ARHGAP10: variants seen among roughly 807,000 people sequenced by gnomAD.
The protein encoded by ARHGAP10 is rho GTPase-activating protein 10.
In ARHGAP10, 87 loss-of-function variants were observed where a neutral mutation model predicts 108.6. That is an observed-to-expected ratio of 0.80 (90% CI 0.67 to 0.96). The LOEUF (loss-of-function observed/expected upper bound fraction) is 0.96. ARHGAP10 is among the 40% of genes least tolerant of loss of function. The pLI is 0.00. For missense variants in ARHGAP10, 939 were observed against 954.5 expected, an observed-to-expected ratio of 0.98 and a Z score of 0.21; for synonymous variants, 347 against 341.1, an observed-to-expected ratio of 1.02 and a Z score of -0.19.
rs530492849 is a variant in ARHGAP10, at chr4:147,833,536, G to A, written c.312+10579G>A. On this transcript the variant is annotated intron_variant, in intron 3 of 22. Transcript: ENST00000336498. ...TGTGAAAACAGACTAATTCATGTGG[G>A]AAAAACCAGATTTTGATGACTGAGA... 3.3e-5 allele frequency among the ~76,000 whole-genome samples: 5 copies of A among 152,248 alleles called. No individual in the cohort carries two copies. In the South Asian group the frequency reaches 1.0e-3, roughly 32 times the overall value.
At position 148,063,242 on chromosome 4, in the gene ARHGAP10, G is replaced by A. The variant is rs368707168; in HGVS notation, c.2122G>A (p.Gly708Arg). The change falls in exon 21 of 23, where the codon GGG becomes AGG. Residue 708 changes from glycine (G) to arginine (R), a missense_variant. Physicochemically the swap from Gly to Arg is moderately radical, Grantham distance 125 (BLOSUM62 -2). Coordinates refer to ENST00000336498, the MANE Select transcript of ARHGAP10 (RefSeq NM_024605.4). ...SNSAVTPLSPGSSPFPFSPPA... is the reference protein window; with the variant it reads ...SNSAVTPLSPRSSPFPFSPPA... ...CTCAGCTGTGACACCTCTTTCACCC[G>A]GGTCGTCCCCTTTCCCCTTTTCTCC... 1.2e-5 allele frequency: 19 copies of A among 1,614,018 alleles called. No homozygotes were observed. Among genetic ancestry groups the A allele is most frequent in the Admixed American group, 1.0e-4 (6 of 60,004 alleles).
chr4:147,960,749 C>G (rs913450615), intron 16 of ARHGAP10, among the ~76,000 whole-genome samples: 3 of 152,144 alleles, frequency 2.0e-5, no homozygotes, highest in African/African-American at 7.2e-5. Context: ...GGTCATTATC[C>G]ACTCCCATGA....
In ARHGAP10 at chr4:147,866,728, A is replaced by G. The variant is rs1375403499; in HGVS notation, c.614A>G (p.Gln205Arg). The stretch of plus-strand genomic sequence containing the variant: ...GTGTCTTAGATGCTGTCATTTTTTC[A>G]GGGGATGTTTACCTTCTATCATCAG... ...EFVEPMLSFF[Q>R]GMFTFYHQGH... is the part of the protein sequence containing the mutation. The change falls in exon 7 of 23, where the codon CAG becomes CGG. Residue 205 changes from glutamine to arginine, a missense_variant. Physicochemically the swap from Gln to Arg is conservative, Grantham distance 43 (BLOSUM62 1). Coordinates refer to ENST00000336498, the MANE Select transcript of ARHGAP10 (RefSeq NM_024605.4). 2 of 1,612,040 alleles carry G rather than the reference A, an allele frequency of 1.2e-6. No homozygotes were observed. The highest frequency in any genetic ancestry group is 1.1e-5 in the South Asian group (1 of 90,618).
intron 4 of ARHGAP10, among the ~76,000 whole-genome samples, chr4:147,855,066 A>G (rs1734031143): frequency 6.6e-6 from 1 of 152,136 alleles, no homozygotes; most frequent in Middle Eastern, 3.2e-3. Context: ...AATGTTTTCC[A>G]TGTTCCTGGT....
At chr4:147,843,754 T>TG (rs1262319055) in intron 3 of ARHGAP10, among the ~76,000 whole-genome samples, 1 of 152,180 alleles carries the variant, frequency 6.6e-6, no homozygotes, top group Non-Finnish European at 1.5e-5. Context: ...TGACCTCAGG[T>TG]GATCCACCTG....
chr4:148,018,305 T>C (rs1741427143), intron 18 of ARHGAP10, among the ~76,000 whole-genome samples: 1 of 152,148 alleles, frequency 6.6e-6, no homozygotes, highest in Non-Finnish European at 1.5e-5. Context: ...GAAAGAGACC[T>C]GGGCACTAAG....
chr4:147,757,072 GC>G (rs1243975430), intron 1 of ARHGAP10, among the ~76,000 whole-genome samples: 8 of 151,734 alleles, frequency 5.3e-5, no homozygotes, highest in Non-Finnish European at 8.8e-5. Flanking sequence ...GGCTATAGTG[GC>G]TTCTTTAAAT....
At position 147,822,896 on chromosome 4, in the gene ARHGAP10, A is replaced by C; in HGVS notation, c.251A>C (p.Asp84Ala). 6.2e-7 allele frequency: 1 copy of C among 1,614,116 alleles called. No homozygotes were observed. The highest frequency in any genetic ancestry group is 8.5e-7 in the Non-Finnish European group (1 of 1,179,980). The change falls in exon 3 of 23, where the codon GAT becomes GCT. Residue 84 changes from aspartate (D) to alanine (A), a missense_variant and splice_region_variant. By Grantham distance (126) the Asp-to-Ala change is moderately radical. Transcript: ENST00000336498. ...DAVTDDERCIDASLREFSNFL... is the reference protein window; with the variant it reads ...DAVTDDERCIAASLREFSNFL... Reference sequence around the variant, plus strand: ...AATAATCACTCCTTTCTTCTTACAGATGCTTCCTTACGTGAATTTTCAAAT... The same window carrying C: ...AATAATCACTCCTTTCTTCTTACAGCTGCTTCCTTACGTGAATTTTCAAAT...
intron 20 of ARHGAP10, among the ~76,000 whole-genome samples, chr4:148,049,800 T>G (rs187742381): frequency 1.5e-4 from 22 of 146,388 alleles, no homozygotes; most frequent in African/African-American, 3.5e-4. Flanking sequence ...AAATTGTTTT[T>G]TTTGTTTGTT....
At chr4:148,027,603 G>GATCT (rs1727931327) in intron 19 of ARHGAP10, among the ~76,000 whole-genome samples, 1 of 152,188 alleles carries the variant, frequency 6.6e-6, no homozygotes, top group Non-Finnish European at 1.5e-5. Flanking sequence ...AACATATCTT[G>GATCT]ATCTAGGTGA....
intron 22 of ARHGAP10, among the ~76,000 whole-genome samples, chr4:148,066,797 C>T (rs1215031460): frequency 2.0e-5 from 3 of 152,202 alleles, no homozygotes; most frequent in Non-Finnish European, 4.4e-5. Flanking sequence ...ATGGCCACAA[C>T]ATTGATGTTG....
intron 18 of ARHGAP10, 104 bp downstream of exon 18, chr4:147,966,943 A>G: frequency 9.3e-7 from 1 of 1,072,006 alleles, no homozygotes; most frequent in Non-Finnish European, 1.3e-6. Context: ...GTTTAAAAAA[A>G]TTCTTTCATT....
intron 4 of ARHGAP10, among the ~76,000 whole-genome samples, chr4:147,855,462 A>G (rs533435053): frequency 6.6e-6 from 1 of 152,268 alleles, no homozygotes; most frequent in South Asian, 2.1e-4. Flanking sequence ...AAAAAAACCT[A>G]GAGCGTAAAG....
chr4:147,736,472 G>T (rs575980483), intron 1 of ARHGAP10, among the ~76,000 whole-genome samples: 68 of 152,190 alleles, frequency 4.5e-4, no homozygotes, highest in African/African-American at 1.5e-3. Context: ...CTTGAGCCTT[G>T]GTTTCCTTTT....
At chr4:147,779,095 C>T (rs1730422755) in intron 1 of ARHGAP10, among the ~76,000 whole-genome samples, 1 of 152,152 alleles carries the variant, frequency 6.6e-6, no homozygotes, top group Admixed American at 6.5e-5. Context: ...TCTTCAGTTT[C>T]CATTTCAGTA....
intron 5 of ARHGAP10, among the ~76,000 whole-genome samples, chr4:147,859,770 A>G (rs2126836230): frequency 6.6e-6 from 1 of 152,360 alleles, no homozygotes; most frequent in Non-Finnish European, 1.5e-5. Flanking sequence ...AGATGCTTGT[A>G]CAGTGAGCTG....
intron 3 of ARHGAP10, among the ~76,000 whole-genome samples, chr4:147,835,025 C>A (rs932102688): frequency 6.6e-6 from 1 of 152,188 alleles, no homozygotes; most frequent in Non-Finnish European, 1.5e-5. Flanking sequence ...GCTATTATCA[C>A]TATAAGCAGA....
intron 1 of ARHGAP10, among the ~76,000 whole-genome samples, chr4:147,750,094 T>G (rs570043408): frequency 2.1e-4 from 32 of 152,354 alleles, no homozygotes; most frequent in African/African-American, 7.2e-4. Flanking sequence ...GAGGCAACTT[T>G]GTAAAGACCT....
chr4:147,863,299 C>G, intron 5 of ARHGAP10: 1 of 152,254 alleles, frequency 6.6e-6, no homozygotes, highest in East Asian at 1.9e-4. Context: ...CTTTCAGTTT[C>G]TATGAATTTA....
Sources: allele counts gnomAD v4.1 joint callset (sites outside exome capture counted in the v4.1 genomes callset), GRCh38; gene constraint gnomAD v4.1.1; transcripts MANE v1.5; gene names NCBI Gene and HGNC (gene_info 2026-07-23, HGNC 2026-07-21).